GPT2: variants seen among roughly 807,000 people sequenced by gnomAD.
The protein encoded by GPT2 is glutamic--pyruvic transaminase 2.
GPT2 carries 30 observed loss-of-function variants against 56.9 expected under a neutral mutation model. The observed-to-expected ratio is 0.53, with a 90% CI of 0.39 to 0.72. GPT2 has a LOEUF of 0.72. Ranked by LOEUF, GPT2 falls within the 30% of genes least tolerant of loss-of-function variation. GPT2 has a pLI of 0.00. For missense variants in GPT2, 542 were observed against 703.4 expected, an observed-to-expected ratio of 0.77 and a Z score of 2.60; for synonymous variants, 271 against 283.1, an observed-to-expected ratio of 0.96 and a Z score of 0.43.
At chr16:46,916,320 T>C in intron 6 of GPT2, 1 of 205,108 alleles carries the variant, frequency 4.9e-6, no homozygotes, top group Non-Finnish European at 1.0e-5. Context: ...CACTCCAGCC[T>C]GGGTGACAGA....
At chr16:46,917,511 A>G (rs1182185659) in intron 7 of GPT2, among the ~76,000 whole-genome samples, 1 of 152,200 alleles carries the variant, frequency 6.6e-6, no homozygotes, top group Non-Finnish European at 1.5e-5. Flanking sequence ...TTCTGGAACC[A>G]GGGTCTGCTC....
intron 2 of GPT2, chr16:46,885,294 G>A (rs1960461963): frequency 2.0e-6 from 2 of 988,634 alleles, no homozygotes; most frequent in Non-Finnish European, 1.2e-6. Flanking sequence ...AATGAAGAAA[G>A]AAGCAATAGA....
intron 4 of GPT2, among the ~76,000 whole-genome samples, chr16:46,905,444 A>G (rs1453290492): frequency 6.6e-6 from 1 of 152,200 alleles, no homozygotes; most frequent in African/African-American, 2.4e-5. Flanking sequence ...TCCAGTCGCC[A>G]TCCTGCCTCC....
chr16:46,913,332 T>G (rs973969272), intron 6 of GPT2, among the ~76,000 whole-genome samples: 15 of 152,220 alleles, frequency 9.9e-5, no homozygotes, highest in South Asian at 4.1e-4. Flanking sequence ...AATCCTGGTT[T>G]GCATTCCAAC....
At position 46,916,544 on chromosome 16, in the gene GPT2, G is replaced by A; in HGVS notation, c.821-84G>A. ...GGGTCTCAAGGGAACACAGGGCACT[G>A]AGTGATTCTGGATGGGCTTCTGACC... On this transcript the variant is annotated intron_variant, in intron 6 of 11. Transcript: ENST00000340124. 6.0e-6 allele frequency: 6 copies of A among 998,052 alleles called. No homozygotes were observed. In the South Asian group the frequency reaches 7.7e-5, roughly 13 times the overall value. 61.8% of individuals were successfully genotyped at this position (998,052 alleles called of 1,614,324 possible).
rs1169919469 is a variant in GPT2 at position 46,900,212 on chromosome 16, A to G, written c.334-470A>G. The stretch of plus-strand genomic sequence containing the variant: ...GTTACAGAGAAGAGAAAGCTGGTCC[A>G]GTTTTCATCTAGGGAGGAAAGGGGG... On this transcript the variant is annotated intron_variant, in intron 3 of 11. Coordinates refer to ENST00000340124, the MANE Select transcript of GPT2 (RefSeq NM_133443.4). Among the ~76,000 whole-genome samples, 3 of 150,844 alleles carry G rather than the reference A, an allele frequency of 2.0e-5. No homozygotes were observed. The East Asian group carries it at 5.9e-4, about 30-fold the overall frequency.
At chr16:46,886,472 G>A (rs138084133) in intron 2 of GPT2, among the ~76,000 whole-genome samples, 157 of 152,324 alleles carry the variant, frequency 1.0e-3, no homozygotes, top group African/African-American at 3.8e-3. Context: ...GAATCTGACT[G>A]CCACGTTGTT....
At chr16:46,920,084 G>A (rs940908460) in intron 8 of GPT2, among the ~76,000 whole-genome samples, 19 of 152,192 alleles carry the variant, frequency 1.2e-4, no homozygotes, top group African/African-American at 3.1e-4. Flanking sequence ...GGTGGTGCGC[G>A]CTTCCAGCTA....
At position 46,884,740 on chromosome 16, in the gene GPT2, C is replaced by G. The variant is rs1431089885; in HGVS notation, c.25C>G (p.Arg9Gly). MQRAAALV[R>G]RGCGPRTPSS... ...GATGCAGCGGGCGGCGGCGCTGGTC[C>G]GGCGGGGCTGTGGTCCCCGGACCCC... Residue 9 changes from arginine (R) to glycine (G), a missense_variant, in exon 2 of 12, where the codon CGG becomes GGG. Physicochemically the swap from Arg to Gly is moderately radical, Grantham distance 125. Coordinates refer to ENST00000340124, the MANE Select transcript of GPT2 (RefSeq NM_133443.4). The G allele has an allele frequency of 2.2e-6, 3 of 1,391,526 alleles. No individual in the cohort carries two copies. 86.2% of individuals were successfully genotyped at this position (1,391,526 alleles called of 1,614,324 possible). A position where few individuals can be genotyped will look rare whatever the true frequency, so the allele number is the denominator to read the frequency against.
chr16:46,916,728 A>G, intron 7 of GPT2, 21 bp downstream of exon 7: 5 of 1,514,808 alleles, frequency 3.3e-6, no homozygotes, highest in Non-Finnish European at 4.6e-6. Flanking sequence ...CCCCACTCAG[A>G]GGGAGTGGGC....
chr16:46,897,522 A>G, intron 2 of GPT2, 126 bp from the exon 3 acceptor site: 1 of 795,042 alleles, frequency 1.3e-6, no homozygotes. Context: ...CCTGGCACCA[A>G]GTCAGATACT....
intron 2 of GPT2, among the ~76,000 whole-genome samples, chr16:46,896,412 C>A (rs552902282): frequency 6.6e-6 from 1 of 152,158 alleles, no homozygotes; most frequent in African/African-American, 2.4e-5. Context: ...CAGGCAGTGG[C>A]CTCAATTTGC....
At position 46,886,333 on chromosome 16, in the gene GPT2, A is replaced by G. The variant is rs142331174; in HGVS notation, c.243+1375A>G. ...TTCCTGGTTTATCACGTTACAGCTGATTTCTCTGGTTCCTGAGCTGGCAGG... is the reference window on the plus strand; with the variant it reads ...TTCCTGGTTTATCACGTTACAGCTGGTTTCTCTGGTTCCTGAGCTGGCAGG... On this transcript the variant is annotated intron_variant, in intron 2 of 11. Coordinates refer to ENST00000340124, the MANE Select transcript of GPT2 (RefSeq NM_133443.4). Among the ~76,000 whole-genome samples, 3 of 152,230 alleles carry G rather than the reference A, an allele frequency of 2.0e-5. No individual in the cohort carries two copies. The East Asian group carries it at 5.8e-4, about 29-fold the overall frequency.
intron 4 of GPT2, among the ~76,000 whole-genome samples, chr16:46,901,059 T>C (rs1297385451): frequency 6.6e-6 from 1 of 152,234 alleles, no homozygotes; most frequent in Non-Finnish European, 1.5e-5. Context: ...CCAGCCTCAT[T>C]GGACAGCAGC....
intron 4 of GPT2, among the ~76,000 whole-genome samples, chr16:46,904,347 G>A (rs1036806914): frequency 6.6e-6 from 1 of 152,192 alleles, no homozygotes. Flanking sequence ...GGAGTTCAAG[G>A]CTGCAGTGAG....
At chr16:46,917,437 A>G (rs1192210247) in intron 7 of GPT2, among the ~76,000 whole-genome samples, 2 of 152,142 alleles carry the variant, frequency 1.3e-5, no homozygotes, top group Admixed American at 1.3e-4. Flanking sequence ...CTACTGTCTC[A>G]TTTAATTCGC....
At chr16:46,924,029 G>A (rs1033536553) in intron 9 of GPT2, 1 of 366,234 alleles carries the variant, frequency 2.7e-6, no homozygotes, top group East Asian at 7.0e-5. Flanking sequence ...CACACCCCAG[G>A]GCACGTGGCA....
At chr16:46,918,512 C>T (rs966975924) in intron 7 of GPT2, 109 bp from the exon 8 acceptor site, 19 of 1,281,868 alleles carry the variant, frequency 1.5e-5, no homozygotes, top group Middle Eastern at 5.3e-4. Flanking sequence ...GAGGCTGGGC[C>T]GGCTGGGCCT....
chr16:46,885,340 G>T, intron 2 of GPT2: 1 of 747,840 alleles, frequency 1.3e-6, no homozygotes, highest in Non-Finnish European at 1.6e-6. Flanking sequence ...AAGTAAAACG[G>T]AAGAGGGTTG....
Sources: gnomAD v4.1 joint callset for allele counts (sites outside exome capture counted in the v4.1 genomes callset) on GRCh38, gnomAD v4.1.1 for gene constraint, MANE v1.5 for transcripts, NCBI Gene and HGNC (gene_info 2026-07-23, HGNC 2026-07-21) for gene names.